Variants in ALG12 observed in about 807,000 individuals in gnomAD.
The protein encoded by ALG12 is ALG12 alpha-1,6-mannosyltransferase, also known as dol-P-Man:Man(7)GlcNAc(2)-PP-Dol alpha-1,6-mannosyltransferase.
A neutral mutation model predicts 46.0 loss-of-function variants in ALG12; 36 were observed. The observed-to-expected ratio is 0.78, with a 90% CI of 0.60 to 1.03. The LOEUF (loss-of-function observed/expected upper bound fraction) is 1.03. Among genes scored for constraint, ALG12 ranks in the 50% least tolerant of loss-of-function variants. The probability of loss-of-function intolerance (pLI) is 0.00; values close to 1 mark genes in which losing one functional copy is unlikely to be tolerated. For synonymous variants in ALG12, 326 were observed against 291.6 expected (o/e 1.12, Z -1.20); for missense variants, 599 against 633.5 (o/e 0.95, Z 0.58).
chr22:49,886,840 G>A, the ALG12 span: 41 of 1,613,788 alleles, frequency 2.5e-5, no homozygotes, highest in East Asian at 4.5e-5. The surrounding 1 kb of genome is among the most constrained non-coding windows in gnomAD (Gnocchi z 7.7). Flanking sequence ...AGACTCTGCC[G>A]CAGAGGAGAA....
chr22:49,903,197 C>A lies in ALG12; in HGVS notation c.*641G>T. 1 of 377,822 alleles carries A rather than the reference C, an allele frequency of 2.6e-6. No individual in the cohort carries two copies. The highest frequency in any genetic ancestry group is 5.2e-6 in the Non-Finnish European group (1 of 192,476). The allele number at this position is 377,822 out of a possible 1,614,324, so 23.4% of individuals were successfully genotyped here. On this transcript the variant is annotated 3_prime_UTR_variant, in exon 10 of 10. Coordinates refer to ENST00000330817, the MANE Select transcript of ALG12 (RefSeq NM_024105.4). ...TAGGAAACATTTTTAAAATTTCATTCTCATTATTTTCTGTAATCTTGAGAG... is the reference window on the plus strand; with the variant it reads ...TAGGAAACATTTTTAAAATTTCATTATCATTATTTTCTGTAATCTTGAGAG...
At chr22:49,898,976 C>T (rs111625699), downstream of ALG12, among the ~76,000 whole-genome samples, 206 of 152,148 alleles carry the variant, frequency 1.4e-3, 2 homozygotes, top group African/African-American at 4.7e-3. Flanking sequence ...AAAATTGATC[C>T]GTACCTCACA....
At chr22:49,876,251 C>T in the ALG12 span, among the ~76,000 whole-genome samples, 1 of 152,010 alleles carries the variant, frequency 6.6e-6, no homozygotes, top group Non-Finnish European at 1.5e-5. Flanking sequence ...ATGTGTATTC[C>T]GTTGTTGTTG....
chr22:49,890,974 T>A, the ALG12 span, among the ~76,000 whole-genome samples: 3 of 150,724 alleles, frequency 2.0e-5, no homozygotes, highest in East Asian at 5.8e-4. Flanking sequence ...AGCTTGCAGC[T>A]AGCTGAGATT....
Position 49,904,408 on chromosome 22 carries a change from T to A in ALG12, c.1091A>T (p.Tyr364Phe). 1 of 1,614,074 alleles carries A rather than the reference T, an allele frequency of 6.2e-7. No homozygotes were observed. The highest frequency in any genetic ancestry group is 8.5e-7 in the Non-Finnish European group (1 of 1,180,004). ...VNAAYSATAL[Y>F]VSHFNYPGGV... ...ACCTGGGTAGTTGAAATGGGACACA[T>A]ACAGGGCCGTGGCTGAGTAGGCGGC... The change falls in exon 8 of 10, where the codon TAT (tyrosine) becomes TTT (phenylalanine). Residue 364 changes from tyrosine (Y) to phenylalanine (F), a missense_variant. Tyr to Phe is a conservative substitution (Grantham distance 22). Transcript: ENST00000330817.
At chr22:49,867,602 A>G in the ALG12 span, among the ~76,000 whole-genome samples, 1 of 152,170 alleles carries the variant, frequency 6.6e-6, no homozygotes, top group African/African-American at 2.4e-5. Context: ...AGATGTGCAG[A>G]AAGTCACCCA....
chr22:49,871,243 C>G, the ALG12 span, among the ~76,000 whole-genome samples: 3 of 142,916 alleles, frequency 2.1e-5, no homozygotes, highest in Non-Finnish European at 3.0e-5. Flanking sequence ...TTCATCAGCA[C>G]TTTGGGAGGC....
At chr22:49,862,324 G>C in the ALG12 span, among the ~76,000 whole-genome samples, 1 of 152,222 alleles carries the variant, frequency 6.6e-6, no homozygotes, top group African/African-American at 2.4e-5. Context: ...GCTGAGACTG[G>C]AATTGATCTC....
chr22:49,867,585 G>A, the ALG12 span, among the ~76,000 whole-genome samples: 1 of 152,310 alleles, frequency 6.6e-6, no homozygotes, highest in Admixed American at 6.5e-5. Context: ...ACCCTCCTCT[G>A]CTTTGCAGAT....
the ALG12 span, among the ~76,000 whole-genome samples, chr22:49,865,314 G>C: frequency 2.6e-5 from 4 of 152,186 alleles, no homozygotes; most frequent in African/African-American, 9.6e-5. Context: ...GCTCTTTGCC[G>C]AGTGAGGTGT....
chr22:49,899,695 C>G (rs1179782083), downstream of ALG12, among the ~76,000 whole-genome samples: 1 of 152,120 alleles, frequency 6.6e-6, no homozygotes, highest in Non-Finnish European at 1.5e-5. Flanking sequence ...TATGAAAGTA[C>G]AAACGCACTC....
chr22:49,889,025 CT>C, the ALG12 span: 1 of 167,202 alleles, frequency 6.0e-6, no homozygotes, highest in Non-Finnish European at 1.5e-5. Flanking sequence ...GGATATTGAG[CT>C]TCATGGATTT....
At chr22:49,876,552 C>T in the ALG12 span, among the ~76,000 whole-genome samples, 1 of 152,084 alleles carries the variant, frequency 6.6e-6, no homozygotes. Context: ...ATTCTTAAAT[C>T]TTTACCCGGT....
the ALG12 span, among the ~76,000 whole-genome samples, chr22:49,866,336 G>A: frequency 0.64 from 97,530 of 151,740 alleles, 35,561 homozygotes; most frequent in East Asian, 0.85. Flanking sequence ...TCTTCTTTAC[G>A]TGTCTTTTAA....
At chr22:49,904,570 A>G in intron 7 of ALG12, 64 bp from the exon 8 acceptor site, 1 of 1,572,170 alleles carries the variant, frequency 6.4e-7, no homozygotes, top group East Asian at 2.2e-5. Flanking sequence ...ATCTACCTAC[A>G]AAACATACTA....
At chr22:49,911,164 G>A (rs775854154) in intron 3 of ALG12, among the ~76,000 whole-genome samples, 3 of 152,332 alleles carry the variant, frequency 2.0e-5, no homozygotes, top group Non-Finnish European at 2.9e-5. Flanking sequence ...ACCGTGGACC[G>A]GCCTGTCAGC....
At chr22:49,863,625 CAAAA>C in the ALG12 span, among the ~76,000 whole-genome samples, 3 of 94,320 alleles carry the variant, frequency 3.2e-5, no homozygotes, top group Non-Finnish European at 2.5e-5. Context: ...GACTCCGTCT[CAAAA>C]AAAAAAAAAA....
the ALG12 span, among the ~76,000 whole-genome samples, chr22:49,893,777 C>T: frequency 6.6e-6 from 1 of 152,134 alleles, no homozygotes; most frequent in Non-Finnish European, 1.5e-5. Context: ...GTTCAAAATA[C>T]AGGTAGACTT....
At chr22:49,886,873 G>A in the ALG12 span, 3 of 1,614,100 alleles carry the variant, frequency 1.9e-6, no homozygotes, top group South Asian at 1.1e-5. The surrounding 1 kb of genome is among the most constrained non-coding windows in gnomAD (Gnocchi z 7.7). Context: ...TGTGGCCAAG[G>A]TGAAGAAGAA....
Sources: gnomAD v4.1 joint callset for allele counts (sites outside exome capture counted in the v4.1 genomes callset) on GRCh38, gnomAD v4.1.1 for gene constraint, Gnocchi (gnomAD v3.1) non-coding constraint, MANE v1.5 for transcripts, NCBI Gene and HGNC (gene_info 2026-07-23, HGNC 2026-07-21) for gene names.